ARHGEF4: variants seen among roughly 807,000 people sequenced by gnomAD.
The protein encoded by ARHGEF4 is Rho guanine nucleotide exchange factor 4.
ARHGEF4 carries 119 observed loss-of-function variants against 162.0 expected under a neutral mutation model. The observed-to-expected ratio is 0.73, with a 90% CI of 0.63 to 0.86. The LOEUF (loss-of-function observed/expected upper bound fraction) is 0.86, where lower values mean the gene tolerates loss of function less well. Ranked by LOEUF, ARHGEF4 falls within the 40% of genes least tolerant of loss-of-function variation. ARHGEF4 has a pLI of 0.00. For missense variants in ARHGEF4, 2,488 were observed against 2,456.0 expected (o/e 1.01, Z -0.28); for synonymous variants, 1,014 against 979.9 (o/e 1.03, Z -0.65).
intron 13 of ARHGEF4, 190 bp from the exon 14 acceptor site, chr2:131,045,848 G>A: frequency 1.4e-6 from 2 of 1,464,274 alleles, no homozygotes; most frequent in Non-Finnish European, 9.0e-7. Context: ...GCCAGGCCCA[G>A]GCCAGAGACC....
rs372877378 is a variant in ARHGEF4, at chr2:131,041,193, G to A, written c.4663-37G>A. On this transcript the variant is annotated intron_variant, in intron 8 of 13. Coordinates refer to ENST00000409359, the MANE Select transcript of ARHGEF4 (RefSeq NM_001367493.1). Reference sequence around the variant, plus strand: ...TGCAGCTGGATTGCCTGTGGGAGCAGCAGAGAGCTCTGCTAACCTCCAGCT... The same window carrying A: ...TGCAGCTGGATTGCCTGTGGGAGCAACAGAGAGCTCTGCTAACCTCCAGCT... 2.4e-5 allele frequency: 38 copies of A among 1,582,740 alleles called. No homozygotes were observed. The South Asian group carries it at 3.7e-4, about 15-fold the overall frequency.
intron 4 of ARHGEF4, among the ~76,000 whole-genome samples, chr2:130,958,843 A>C (rs1336058346): frequency 2.6e-5 from 4 of 152,102 alleles, no homozygotes; most frequent in Non-Finnish European, 5.9e-5. Context: ...TGTCCTGCAA[A>C]AGTCAATCTC....
intron 4 of ARHGEF4, among the ~76,000 whole-genome samples, chr2:130,966,282 G>A (rs547402791): frequency 1.9e-4 from 29 of 152,224 alleles, no homozygotes; most frequent in Non-Finnish European, 3.7e-4. Context: ...CTGTGAAGCC[G>A]TCTGTCCTTC....
chr2:131,020,723 G>A (rs1689070030), intron 4 of ARHGEF4, among the ~76,000 whole-genome samples: 1 of 152,110 alleles, frequency 6.6e-6, no homozygotes, highest in African/African-American at 2.4e-5. Context: ...GGGATGGCTG[G>A]GTCAAATGGT....
chr2:130,945,143 C>T (rs542189991), intron 3 of ARHGEF4, among the ~76,000 whole-genome samples: 6 of 152,082 alleles, frequency 3.9e-5, no homozygotes, highest in Non-Finnish European at 8.8e-5. Flanking sequence ...GGGGTAAGTG[C>T]GGGAACTCAT....
intron 4 of ARHGEF4, among the ~76,000 whole-genome samples, chr2:130,988,907 G>T (rs1157308602): frequency 5.7e-4 from 76 of 133,616 alleles, no homozygotes; most frequent in Admixed American, 4.0e-3. Flanking sequence ...TATATAGAGA[G>T]AGAGAGAGAG....
chr2:130,846,290 A>C (rs778377430), intron 1 of ARHGEF4, among the ~76,000 whole-genome samples: 6 of 152,164 alleles, frequency 3.9e-5, no homozygotes, highest in Non-Finnish European at 7.4e-5. Context: ...GGGAACTGTC[A>C]GCCTGGGGTG....
intron 3 of ARHGEF4, among the ~76,000 whole-genome samples, chr2:130,939,462 C>G (rs2105128769): frequency 6.6e-6 from 1 of 152,314 alleles, no homozygotes; most frequent in Admixed American, 6.5e-5. Context: ...TATGCTTCCA[C>G]CAGTGCCACA....
In ARHGEF4 at chr2:130,931,102, G is replaced by C. The variant is rs200806481; in HGVS notation, c.3703G>C (p.Gly1235Arg). The C allele has an allele frequency of 6.2e-7, 1 of 1,614,182 alleles. No individual in the cohort carries two copies. The highest frequency in any genetic ancestry group is 2.2e-5 in the East Asian group (1 of 44,876). Residue 1235 changes from glycine to arginine, a missense_variant, in exon 3 of 14, where the codon GGG becomes CGG. Transcript: ENST00000409359. ...CTGCATCTCTGCAGAGACTGTGCGT[G>C]GGGAGGCTCCTTCACAGCCTAGGGG... Reference protein sequence around the residue: ...LLCISAETVRGEAPSQPRGIP... With the variant: ...LLCISAETVRREAPSQPRGIP...
chr2:130,993,438 G>T (rs866730975), intron 4 of ARHGEF4, among the ~76,000 whole-genome samples: 1 of 151,622 alleles, frequency 6.6e-6, no homozygotes, highest in Middle Eastern at 3.2e-3. Context: ...TACTTAAAAA[G>T]AATGTGTATT....
At chr2:130,865,056 C>G (rs1048687564) in intron 1 of ARHGEF4, among the ~76,000 whole-genome samples, 6 of 152,226 alleles carry the variant, frequency 3.9e-5, no homozygotes, top group African/African-American at 1.4e-4. Flanking sequence ...GTCATACTCC[C>G]TGTCCTCAGA....
chr2:130,878,556 G>T (rs1679005808), intron 1 of ARHGEF4, among the ~76,000 whole-genome samples: 1 of 152,186 alleles, frequency 6.6e-6, no homozygotes, highest in Non-Finnish European at 1.5e-5. Flanking sequence ...GTTCTGGAAG[G>T]AGACATTACC....
chr2:131,031,190 A>G (rs2105375733), intron 5 of ARHGEF4, among the ~76,000 whole-genome samples: 1 of 152,310 alleles, frequency 6.6e-6, no homozygotes, highest in South Asian at 2.1e-4. Context: ...AATATCTAAG[A>G]TGTTTGACAT....
In ARHGEF4 at chr2:131,027,922, C is replaced by A. The variant is rs1324798168; in HGVS notation, c.3986-23C>A. 6 of 1,612,766 alleles carry A rather than the reference C, an allele frequency of 3.7e-6. No individual in the cohort carries two copies. The Admixed American group carries it at 1.0e-4, about 27-fold the overall frequency. ...CCCTTCCCAGCCCAGCCCCCTTTGCCCAGCTGCTGTCTCTCCTTCCAGCCA... is the reference window on the plus strand; with the variant it reads ...CCCTTCCCAGCCCAGCCCCCTTTGCACAGCTGCTGTCTCTCCTTCCAGCCA... On this transcript the variant is annotated intron_variant, in intron 4 of 13. Transcript: ENST00000409359.
At position 130,931,054 on chromosome 2, in the gene ARHGEF4, G is replaced by C. The variant is rs10188052; in HGVS notation, c.3655G>C (p.Asp1219His). The C allele has an allele frequency of 1.1e-3, 1,767 of 1,614,174 alleles. 15 individuals are homozygous for C. The African/African-American group carries it at 0.021, about 20-fold the overall frequency. ...TGCCCAGAAGCCCTGCTTCACCACTGACATGGTGACATGGGCCCTCCTCTG... is the reference window on the plus strand; with the variant it reads ...TGCCCAGAAGCCCTGCTTCACCACTCACATGGTGACATGGGCCCTCCTCTG... ...EPAQKPCFTT[D>H]MVTWALLCIS... Residue 1219 changes from aspartate to histidine, a missense_variant, in exon 3 of 14, where the codon GAC becomes CAC. This residue lies in a region of ARHGEF4 where 1,642 missense variants were observed against 1,481.5 expected (regional missense o/e 1.11). Transcript: ENST00000409359.
At chr2:130,910,249 A>G (rs1681092363) in intron 1 of ARHGEF4, among the ~76,000 whole-genome samples, 1 of 152,230 alleles carries the variant, frequency 6.6e-6, no homozygotes, top group South Asian at 2.1e-4. Flanking sequence ...AAGTCCAGCT[A>G]TATGTTGGTT....
chr2:131,046,331 G>A lies in ARHGEF4; in HGVS notation c.*142G>A, dbSNP rs573631457. 17 of 851,652 alleles carry A rather than the reference G, an allele frequency of 2.0e-5. No homozygotes were observed. Among genetic ancestry groups the A allele is most frequent in the African/African-American group, 1.2e-4 (7 of 58,934 alleles). 52.8% of individuals were successfully genotyped at this position (851,652 alleles called of 1,614,324 possible). On this transcript the variant is annotated 3_prime_UTR_variant, in exon 14 of 14. Transcript: ENST00000409359. ...GGGGAGTTGCTTGTGCCACCAAGAC[G>A]TGCCAGGTCTGTACTCCTGTTGTCT...
intron 1 of ARHGEF4, among the ~76,000 whole-genome samples, chr2:130,839,042 C>G (rs1339658488): frequency 1.3e-5 from 2 of 152,144 alleles, no homozygotes; most frequent in African/African-American, 2.4e-5. Context: ...CACCTGAGGC[C>G]TCCCCATGCA....
intron 3 of ARHGEF4, among the ~76,000 whole-genome samples, chr2:130,941,613 A>T (rs1243417347): frequency 6.6e-6 from 1 of 152,218 alleles, no homozygotes; most frequent in Non-Finnish European, 1.5e-5. Context: ...ATGTTGTAAG[A>T]TATTATAAGT....
Sources: allele counts gnomAD v4.1 joint callset (sites outside exome capture counted in the v4.1 genomes callset), GRCh38; gene constraint gnomAD v4.1.1; regional missense constraint gnomAD v4.1.1; transcripts MANE v1.5; gene names NCBI Gene and HGNC (gene_info 2026-07-23, HGNC 2026-07-21).